Variants in PCDH15 observed in about 807,000 individuals in gnomAD.
PCDH15 encodes protocadherin related 15.
In PCDH15, 129 loss-of-function variants were observed where a neutral mutation model predicts 178.5. The observed-to-expected ratio is 0.72, with a 90% CI of 0.63 to 0.84. PCDH15 has a LOEUF of 0.84. Ranked by LOEUF, PCDH15 falls within the 40% of genes least tolerant of loss-of-function variation. The pLI, the probability that PCDH15 is intolerant of heterozygous loss-of-function variation, is 0.00. For missense variants in PCDH15, 2,230 were observed against 2,099.9 expected, an observed-to-expected ratio of 1.06 and a Z score of -1.21; for synonymous variants, 800 against 732.0, an observed-to-expected ratio of 1.09 and a Z score of -1.50.
intron 1 of PCDH15, among the ~76,000 whole-genome samples, chr10:55,169,112 A>G (rs1839268035): frequency 1.3e-5 from 2 of 152,098 alleles, no homozygotes; most frequent in Admixed American, 1.3e-4. Context: ...ACCGAAAATA[A>G]ACATTTTTAA....
intron 16 of PCDH15, 97 bp from the exon 17 acceptor site, chr10:54,079,521 T>G: frequency 9.1e-7 from 1 of 1,099,240 alleles, no homozygotes; most frequent in Non-Finnish European, 1.4e-6. Flanking sequence ...TAGCTTTTTT[T>G]CCCCTCTCAG....
chr10:54,170,538 A>G (rs10763077), intron 13 of PCDH15, among the ~76,000 whole-genome samples: 59,686 of 149,854 alleles, frequency 0.4, 12,618 homozygotes, highest in Non-Finnish European at 0.44. Context: ...TCTGCTTCCC[A>G]GCTCCTTCAG....
intron 20 of PCDH15, among the ~76,000 whole-genome samples, chr10:54,003,799 A>C (rs1360919261): frequency 2.6e-5 from 4 of 151,492 alleles, no homozygotes; most frequent in African/African-American, 9.7e-5. Flanking sequence ...TTCTATAAAG[A>C]CAATAATACT....
At chr10:55,559,477 C>T (rs976687163) in intron 2 of PCDH15, among the ~76,000 whole-genome samples, 19 of 151,630 alleles carry the variant, frequency 1.3e-4, no homozygotes, top group African/African-American at 3.6e-4. Context: ...AGGCTAGCTG[C>T]GGAATATTAG....
intron 27 of PCDH15, among the ~76,000 whole-genome samples, chr10:53,864,640 T>G (rs1401109965): frequency 6.6e-6 from 1 of 151,950 alleles, no homozygotes; most frequent in Non-Finnish European, 1.5e-5. Flanking sequence ...ACCAGGCCCT[T>G]GAGTCACTTG....
chr10:55,042,861 T>C (rs1158944440), intron 2 of PCDH15, among the ~76,000 whole-genome samples: 4 of 152,178 alleles, frequency 2.6e-5, no homozygotes, highest in Non-Finnish European at 5.9e-5. Context: ...CATTTTGATC[T>C]TTTAAGACTC....
intron 14 of PCDH15, 29 bp from the exon 15 acceptor site, chr10:54,133,036 G>C (rs2133062608): frequency 6.2e-7 from 1 of 1,613,636 alleles, no homozygotes; most frequent in Middle Eastern, 1.7e-4. Context: ...AAAGAAGATG[G>C]TTACGAATCT....
Position 55,262,423 on chromosome 10 carries a change from C to CATA in PCDH15, c.-156+57175_-156+57176insTAT, listed in dbSNP as rs529990972. Among the ~76,000 whole-genome samples the CATA allele has an allele frequency of 3.8e-3, 585 of 152,234 alleles. 3 individuals are homozygous for CATA. The highest frequency in any genetic ancestry group is 6.7e-3 in the Non-Finnish European group (453 of 68,020). On this transcript the variant is annotated intron_variant, in intron 1 of 5. Coordinates refer to the PCDH15 transcript ENST00000458638. The stretch of plus-strand genomic sequence containing the variant: ...TGGCCCACCATGCTTTCATCCTGTG[C>CATA]TTATAAAAACACTGAGACCCTAGCG...
chr10:54,160,096 T>C (rs903334974), intron 13 of PCDH15, among the ~76,000 whole-genome samples: 4 of 152,090 alleles, frequency 2.6e-5, no homozygotes, highest in Non-Finnish European at 5.9e-5. Flanking sequence ...CCACAGGTAA[T>C]CTAATAACAG....
At chr10:53,849,593 G>A (rs574138427) in intron 28 of PCDH15, among the ~76,000 whole-genome samples, 2 of 152,124 alleles carry the variant, frequency 1.3e-5, no homozygotes, top group Admixed American at 6.5e-5. Flanking sequence ...GGCCGGACGC[G>A]GTGGCTCATG....
At chr10:55,614,618 T>C (rs1041958710) in intron 2 of PCDH15, among the ~76,000 whole-genome samples, 5 of 152,196 alleles carry the variant, frequency 3.3e-5, no homozygotes, top group African/African-American at 7.2e-5. Context: ...CATAAAATTG[T>C]AACATTACTA....
At chr10:55,371,195 T>G (rs930994436) in intron 2 of PCDH15, among the ~76,000 whole-genome samples, 3 of 152,016 alleles carry the variant, frequency 2.0e-5, no homozygotes, top group African/African-American at 7.2e-5. Context: ...GAAATTAAAC[T>G]CAGAGAAGTT....
At chr10:54,017,984 A>G (rs1249195204) in intron 20 of PCDH15, among the ~76,000 whole-genome samples, 3 of 152,164 alleles carry the variant, frequency 2.0e-5, no homozygotes, top group Non-Finnish European at 4.4e-5. Context: ...TTTTCACATC[A>G]TTACTTTGTT....
intron 15 of PCDH15, among the ~76,000 whole-genome samples, chr10:54,128,259 T>C (rs2042143856): frequency 6.6e-6 from 1 of 152,162 alleles, no homozygotes; most frequent in Admixed American, 6.6e-5. Context: ...TGTTACATCT[T>C]GATATGCATA....
Position 54,303,644 on chromosome 10 carries a change from A to G in PCDH15, c.876+13627T>C, listed in dbSNP as rs114577239. ...AATGTGTGTTATTAATCAGGTATACACTCTGTAAACACTACGTGGTATAAA... is the reference window on the plus strand; with the variant it reads ...AATGTGTGTTATTAATCAGGTATACGCTCTGTAAACACTACGTGGTATAAA... On this transcript the variant is annotated intron_variant, in intron 8 of 37. Coordinates refer to ENST00000644397, the MANE Select transcript of PCDH15 (RefSeq NM_001384140.1). Among the ~76,000 whole-genome samples, 321 of 152,158 alleles carry G rather than the reference A, an allele frequency of 2.1e-3. 1 individual carries two copies. The highest frequency in any genetic ancestry group is 5.4e-3 in the African/African-American group (224 of 41,536).
At chr10:54,929,450 C>T (rs538525776) in intron 2 of PCDH15, among the ~76,000 whole-genome samples, 7 of 152,026 alleles carry the variant, frequency 4.6e-5, no homozygotes, top group Non-Finnish European at 8.8e-5. Flanking sequence ...TTTTTTGTTT[C>T]CTGATGTTGG....
At chr10:54,906,472 T>C (rs1954723387) in intron 2 of PCDH15, among the ~76,000 whole-genome samples, 1 of 152,162 alleles carries the variant, frequency 6.6e-6, no homozygotes, top group Non-Finnish European at 1.5e-5. Context: ...CATATGTACA[T>C]ACAATTTGAT....
intron 8 of PCDH15, among the ~76,000 whole-genome samples, chr10:54,287,771 T>C (rs1014132563): frequency 6.6e-6 from 1 of 152,192 alleles, no homozygotes; most frequent in African/African-American, 2.4e-5. Flanking sequence ...ATATTAATTA[T>C]ATCTGAATCT....
intron 3 of PCDH15, among the ~76,000 whole-genome samples, chr10:54,382,363 GACTCT>G (rs1158118589): frequency 6.6e-6 from 1 of 152,044 alleles, no homozygotes; most frequent in African/African-American, 2.4e-5. Flanking sequence ...TGCTAATATA[GACTCT>G]ATTTGTACAG....
Sources: gnomAD v4.1 joint callset for allele counts (sites outside exome capture counted in the v4.1 genomes callset) on GRCh38, gnomAD v4.1.1 for gene constraint, MANE v1.5 for transcripts, NCBI Gene and HGNC (gene_info 2026-07-23, HGNC 2026-07-21) for gene names.